DNAH5: variants seen among roughly 807,000 people sequenced by gnomAD.
DNAH5 encodes dynein axonemal heavy chain 5.
A neutral mutation model predicts 518.2 loss-of-function variants in DNAH5; 372 were observed. That is an observed-to-expected ratio of 0.72 (90% CI 0.66 to 0.78). DNAH5 has a LOEUF of 0.78. DNAH5 is among the 30% of genes least tolerant of loss of function. DNAH5 has a pLI of 0.00. For missense variants in DNAH5, 5,523 were observed against 5,687.0 expected (o/e 0.97, Z 0.93); for synonymous variants, 2,039 against 2,025.9 (o/e 1.01, Z -0.17).
At chr5:13,838,530 A>G (rs1473125599) in intron 35 of DNAH5, among the ~76,000 whole-genome samples, 2 of 151,698 alleles carry the variant, frequency 1.3e-5, no homozygotes, top group African/African-American at 4.9e-5. Flanking sequence ...TAGGTTGCCC[A>G]CTCCTTACAA....
chr5:13,809,165 G>A lies in DNAH5; in HGVS notation c.7631C>T (p.Thr2544Met), dbSNP rs766316984. Residue 2544 changes from threonine (T) to methionine (M), a missense_variant, in exon 46 of 79, where the codon ACG (threonine) becomes ATG (methionine). This residue lies in a region of DNAH5 where 5,121 missense variants were observed against 5,223.3 expected (regional missense o/e 0.98). Transcript: ENST00000265104. ...APDGTWTHWNTRTQEYLYPSD... is the reference protein window; with the variant it reads ...APDGTWTHWNMRTQEYLYPSD... ...CGGATACAGGTATTCCTGGGTACGCGTGTTCCAGTGCGTCCATGTACCTAA... is the reference window on the plus strand; with the variant it reads ...CGGATACAGGTATTCCTGGGTACGCATGTTCCAGTGCGTCCATGTACCTAA... 9.3e-6 allele frequency: 15 copies of A among 1,614,014 alleles called. No individual in the cohort carries two copies. In the East Asian group the frequency reaches 2.2e-4, roughly 24 times the overall value.
At chr5:13,865,195 A>G (rs908318053) in intron 27 of DNAH5, among the ~76,000 whole-genome samples, 2 of 151,900 alleles carry the variant, frequency 1.3e-5, no homozygotes, top group African/African-American at 4.8e-5. Flanking sequence ...GGGTTTCACC[A>G]TGTTGGCCAG....
intron 68 of DNAH5, among the ~76,000 whole-genome samples, chr5:13,732,996 G>A (rs1412431784): frequency 6.6e-6 from 1 of 152,094 alleles, no homozygotes; most frequent in Non-Finnish European, 1.5e-5. Context: ...AACAGCTGTT[G>A]AAAGCCAAAG....
At chr5:13,823,428 C>A (rs1475398563) in intron 39 of DNAH5, 58 bp from the exon 40 acceptor site, 12 of 1,148,796 alleles carry the variant, frequency 1.0e-5, no homozygotes, top group Middle Eastern at 2.1e-4. Context: ...TATCAATATG[C>A]AGATAAACTG....
chr5:13,909,129 A>T (rs1313378374), intron 12 of DNAH5, among the ~76,000 whole-genome samples: 2 of 152,214 alleles, frequency 1.3e-5, no homozygotes, highest in Non-Finnish European at 2.9e-5. Context: ...TTCTTTTAAG[A>T]AGGCTGAGTA....
intron 1 of DNAH5, among the ~76,000 whole-genome samples, chr5:13,941,053 A>C (rs1179323727): frequency 1.0e-5 from 1 of 95,598 alleles, no homozygotes; most frequent in Non-Finnish European, 2.3e-5. Context: ...GAGAGTGCTC[A>C]GTGGGCCTTT....
chr5:13,999,987 G>A (rs1016022512), intron 1 of DNAH5, among the ~76,000 whole-genome samples: 3 of 152,224 alleles, frequency 2.0e-5, no homozygotes, highest in Non-Finnish European at 4.4e-5. Flanking sequence ...CACACTAACA[G>A]AGAAATTACT....
intron 1 of DNAH5, among the ~76,000 whole-genome samples, chr5:13,971,940 T>TG (rs1781900499): frequency 6.6e-6 from 1 of 151,930 alleles, no homozygotes; most frequent in African/African-American, 2.4e-5. Flanking sequence ...GACCATCAGG[T>TG]GGGGGGCAGT....
In DNAH5 at chr5:13,774,343, C is replaced by T. The variant is rs115528953; in HGVS notation, c.9373+2096G>A. On this transcript the variant is annotated intron_variant, in intron 55 of 78. Coordinates refer to ENST00000265104, the MANE Select transcript of DNAH5 (RefSeq NM_001369.3). Reference sequence around the variant, plus strand: ...TGCCTAGTTTGATGAGCGATAATGGCCCTTCCTGAAAGGGGGAGACAATTT... The same window carrying T: ...TGCCTAGTTTGATGAGCGATAATGGTCCTTCCTGAAAGGGGGAGACAATTT... 7.7e-3 allele frequency among the ~76,000 whole-genome samples: 1,170 copies of T among 152,116 alleles called. 16 individuals are homozygous for T. The highest frequency in any genetic ancestry group is 0.027 in the African/African-American group (1,119 of 41,498).
chr5:13,791,933 A>T, intron 50 of DNAH5, 61 bp downstream of exon 50: 1 of 1,370,256 alleles, frequency 7.3e-7, no homozygotes, highest in African/African-American at 1.4e-5. Context: ...ATCAATAAAA[A>T]TATTTAGAAT....
At chr5:13,813,519 G>A (rs962200119) in intron 43 of DNAH5, among the ~76,000 whole-genome samples, 1 of 149,498 alleles carries the variant, frequency 6.7e-6, no homozygotes, top group Non-Finnish European at 1.5e-5. Flanking sequence ...TAAGATTGAA[G>A]TGTAACCCAA....
chr5:13,939,202 A>G (rs1779236205), intron 1 of DNAH5, among the ~76,000 whole-genome samples: 1 of 152,186 alleles, frequency 6.6e-6, no homozygotes, highest in African/African-American at 2.4e-5. Flanking sequence ...TCCTCAATTA[A>G]TATCTCTAAA....
intron 44 of DNAH5, chr5:13,810,599 A>T (rs2127018298): frequency 5.5e-6 from 1 of 182,504 alleles, no homozygotes; most frequent in African/African-American, 2.4e-5. Context: ...AAAAAAAAAA[A>T]AAAAATTAGC....
At chr5:13,947,597 C>A (rs1780034031), upstream of DNAH5, among the ~76,000 whole-genome samples, 1 of 152,186 alleles carries the variant, frequency 6.6e-6, no homozygotes, top group Non-Finnish European at 1.5e-5. Context: ...ATTCCTAAAT[C>A]TTAACCTAAC....
At chr5:13,938,932 G>A (rs977091977) in intron 1 of DNAH5, among the ~76,000 whole-genome samples, 3 of 152,170 alleles carry the variant, frequency 2.0e-5, no homozygotes, top group Admixed American at 6.5e-5. Context: ...ATTATTCAAC[G>A]TGTATGCCTG....
chr5:13,849,615 G>A (rs1359240335), intron 31 of DNAH5, among the ~76,000 whole-genome samples: 1 of 152,066 alleles, frequency 6.6e-6, no homozygotes, highest in Non-Finnish European at 1.5e-5. Context: ...TCCATTTGTA[G>A]TTTTTCTCTG....
chr5:13,841,772 G>A lies in DNAH5; in HGVS notation c.5404C>T (p.Leu1802Phe), dbSNP rs1279544030. The A allele has an allele frequency of 6.2e-7, 1 of 1,613,952 alleles. No homozygotes were observed. Among genetic ancestry groups the A allele is most frequent in the Non-Finnish European group, 8.5e-7 (1 of 1,179,914 alleles). The change falls in exon 33 of 79, where the codon CTT becomes TTT. Residue 1802 changes from leucine to phenylalanine, a missense_variant. Physicochemically the swap from Leu to Phe is conservative, Grantham distance 22. Transcript: ENST00000265104. ...TTTGCGGCTGCCTGGCGAATCACAA[G>A]ATGCAATGAGGACTGAGATTCTTCC... ...LLEESQSSLH[L>F]VIRQAAANIQ... is the part of the protein sequence containing the mutation.
intron 47 of DNAH5, 29 bp downstream of exon 47, chr5:13,807,562 C>T: frequency 6.2e-7 from 1 of 1,610,418 alleles, no homozygotes. Context: ...CAAAATTGGG[C>T]TTACTGAGCC....
At position 13,914,038 on chromosome 5, in the gene DNAH5, A is replaced by C; in HGVS notation, c.1321-80T>G. On this transcript the variant is annotated intron_variant, in intron 10 of 78. Transcript: ENST00000265104. Reference sequence around the variant, plus strand: ...ATTTTCTTAAGTGAAGGCGACAGCAAAATTAGGATGGAATTGTAAGCCTTT... The same window carrying C: ...ATTTTCTTAAGTGAAGGCGACAGCACAATTAGGATGGAATTGTAAGCCTTT... The C allele has an allele frequency of 2.0e-6, 3 of 1,512,108 alleles. No individual in the cohort carries two copies. The South Asian group carries it at 3.6e-5, about 18-fold the overall frequency. 93.7% of individuals were successfully genotyped at this position (1,512,108 alleles called of 1,614,324 possible). A position where few individuals can be genotyped will look rare whatever the true frequency, so the allele number is the denominator to read the frequency against.
Sources: allele counts gnomAD v4.1 joint callset (sites outside exome capture counted in the v4.1 genomes callset), GRCh38; gene constraint gnomAD v4.1.1; regional missense constraint gnomAD v4.1.1; transcripts MANE v1.5; gene names NCBI Gene and HGNC (gene_info 2026-07-23, HGNC 2026-07-21).